The following TOX variants were observed in gnomAD, a reference collection of about 807,000 sequenced individuals.
TOX encodes thymocyte selection-associated high mobility group box protein TOX.
A neutral mutation model predicts 53.7 loss-of-function variants in TOX; 11 were observed. The ratio of observed to expected loss-of-function variants is 0.20; its 90% CI spans 0.13 to 0.34. The LOEUF is 0.34. TOX is among the 10% of genes least tolerant of loss of function. The probability of loss-of-function intolerance (pLI) is 1.00; values close to 1 mark genes in which losing one functional copy is unlikely to be tolerated. For synonymous variants in TOX, 225 were observed against 245.3 expected (o/e 0.92, Z 0.77); for missense variants, 570 against 664.6 (o/e 0.86, Z 1.56).
intron 1 of TOX, among the ~76,000 whole-genome samples, chr8:59,078,812 T>C (rs989727476): frequency 4.6e-5 from 7 of 152,140 alleles, no homozygotes; most frequent in African/African-American, 1.7e-4. Flanking sequence ...TGAAGAAAAG[T>C]GTATAACTTC....
chr8:58,909,686 C>T (rs537263802), intron 3 of TOX, among the ~76,000 whole-genome samples: 1 of 147,004 alleles, frequency 6.8e-6, no homozygotes, highest in South Asian at 2.1e-4. Flanking sequence ...GAGAGGAAGT[C>T]TCACTCTGTC....
At chr8:59,090,546 G>A (rs932087281) in intron 1 of TOX, among the ~76,000 whole-genome samples, 2 of 152,158 alleles carry the variant, frequency 1.3e-5, no homozygotes, top group African/African-American at 4.8e-5. Context: ...CACAGAAAAA[G>A]GAGCCCAGGA....
At chr8:58,879,365 G>A (rs1811344673) in intron 3 of TOX, among the ~76,000 whole-genome samples, 1 of 152,092 alleles carries the variant, frequency 6.6e-6, no homozygotes, top group Admixed American at 6.5e-5. Context: ...CTCAAGTCTT[G>A]CAGAATTTTA....
intron 2 of TOX, among the ~76,000 whole-genome samples, chr8:58,945,733 T>G (rs1331053549): frequency 6.6e-6 from 1 of 152,216 alleles, no homozygotes; most frequent in Non-Finnish European, 1.5e-5. Flanking sequence ...TTCTTTTGAC[T>G]ACAGAGAATT....
At chr8:58,821,585 TG>T (rs1810277021) in intron 6 of TOX, among the ~76,000 whole-genome samples, 1 of 152,148 alleles carries the variant, frequency 6.6e-6, no homozygotes, top group South Asian at 2.1e-4. Context: ...TTCTGCCTGT[TG>T]ATTATTGACT....
At chr8:59,094,730 G>A (rs1245029392) in intron 1 of TOX, among the ~76,000 whole-genome samples, 2 of 152,156 alleles carry the variant, frequency 1.3e-5, no homozygotes, top group Admixed American at 1.3e-4. Flanking sequence ...AAGCAAACCC[G>A]CAGACCGCAC....
chr8:58,998,534 T>TATATATATATA (rs1554537351), intron 1 of TOX, among the ~76,000 whole-genome samples: 3 of 18,346 alleles, frequency 1.6e-4, no homozygotes, highest in African/African-American at 3.3e-4. Flanking sequence ...TATATATATA[T>TATATATATATA]ATATAAATTT....
At chr8:58,824,257 G>T (rs916520802) in intron 6 of TOX, among the ~76,000 whole-genome samples, 2 of 152,162 alleles carry the variant, frequency 1.3e-5, no homozygotes, top group African/African-American at 4.8e-5. Flanking sequence ...AAGGGATAAG[G>T]CCTGAGGATT....
At chr8:59,038,641 G>A (rs1803514181) in intron 1 of TOX, among the ~76,000 whole-genome samples, 1 of 152,200 alleles carries the variant, frequency 6.6e-6, no homozygotes, top group South Asian at 2.1e-4. Flanking sequence ...GAATTTTCAA[G>A]TTGGTAGAAA....
chr8:59,082,376 AG>A (rs1804425525), intron 1 of TOX, among the ~76,000 whole-genome samples: 1 of 152,254 alleles, frequency 6.6e-6, no homozygotes, highest in Admixed American at 6.5e-5. Context: ...TGAGATGGGT[AG>A]TTTCCTCGCA....
At chr8:59,067,464 GA>G (rs1804114605) in intron 1 of TOX, among the ~76,000 whole-genome samples, 1 of 151,984 alleles carries the variant, frequency 6.6e-6, no homozygotes. Context: ...TGAGGCACGA[GA>G]AATCGCTTGA....
intron 3 of TOX, among the ~76,000 whole-genome samples, chr8:58,892,532 A>C (rs1394223782): frequency 6.6e-6 from 1 of 152,176 alleles, no homozygotes; most frequent in Non-Finnish European, 1.5e-5. Context: ...AAAACAGATA[A>C]AGGAAGAATG....
chr8:58,984,687 G>A (rs1406210491), intron 1 of TOX, among the ~76,000 whole-genome samples: 1 of 151,280 alleles, frequency 6.6e-6, no homozygotes, highest in Non-Finnish European at 1.5e-5. Context: ...GGAGGCTGAG[G>A]CCGGAGAATG....
In TOX at chr8:59,041,476, C is replaced by T. The variant is rs1245785726; in HGVS notation, c.102+77410G>A. ...CTTTGCAAACTCCGGTGAGCTACAG[C>T]TCCTTTCTGTCCTCACAGCACATTC... On this transcript the variant is annotated intron_variant, in intron 1 of 8. Coordinates refer to ENST00000361421, the MANE Select transcript of TOX (RefSeq NM_014729.3). Among the ~76,000 whole-genome samples, 7 of 152,202 alleles carry T rather than the reference C, an allele frequency of 4.6e-5. No homozygotes were observed. In the South Asian group the frequency reaches 1.4e-3, roughly 31 times the overall value.
intron 1 of TOX, among the ~76,000 whole-genome samples, chr8:59,037,734 G>A (rs1386331613): frequency 6.6e-6 from 1 of 150,556 alleles, no homozygotes; most frequent in Admixed American, 6.6e-5. Flanking sequence ...CCTGGGAGGC[G>A]GAGGTTGCAG....
intron 1 of TOX, among the ~76,000 whole-genome samples, chr8:59,021,923 C>G (rs1229832476): frequency 2.0e-5 from 3 of 152,076 alleles, no homozygotes; most frequent in African/African-American, 7.2e-5. Context: ...AGAAAAATCA[C>G]CCAAATCATC....
At chr8:58,982,614 G>A (rs1300364419) in intron 1 of TOX, among the ~76,000 whole-genome samples, 1 of 152,154 alleles carries the variant, frequency 6.6e-6, no homozygotes, top group Admixed American at 6.5e-5. Flanking sequence ...GCACATTACA[G>A]ATCTCAAACA....
At chr8:58,895,684 T>C (rs1811632237) in intron 3 of TOX, among the ~76,000 whole-genome samples, 1 of 152,240 alleles carries the variant, frequency 6.6e-6, no homozygotes, top group African/African-American at 2.4e-5. Flanking sequence ...AGGCTTCTGT[T>C]CTGAAATTAT....
At chr8:58,920,789 G>A (rs537199438) in intron 3 of TOX, among the ~76,000 whole-genome samples, 6 of 147,502 alleles carry the variant, frequency 4.1e-5, no homozygotes, top group Middle Eastern at 3.7e-3. Context: ...AGTAAGCTAG[G>A]TAATAACTAC....
Sources: allele counts gnomAD v4.1 joint callset (sites outside exome capture counted in the v4.1 genomes callset), GRCh38; gene constraint gnomAD v4.1.1; transcripts MANE v1.5; gene names NCBI Gene and HGNC (gene_info 2026-07-23, HGNC 2026-07-21).